The following AKIP1 variants were observed in gnomAD, a reference collection of about 807,000 sequenced individuals.
AKIP1 encodes the protein A-kinase interacting protein 1.
A neutral mutation model predicts 22.3 loss-of-function variants in AKIP1; 18 were observed. That is an observed-to-expected ratio of 0.81 (90% CI 0.56 to 1.19). The LOEUF (loss-of-function observed/expected upper bound fraction) is 1.19. Ranked by LOEUF, AKIP1 falls within the 50% of genes most tolerant of loss-of-function variation. The probability of loss-of-function intolerance (pLI) is 0.00; values close to 1 mark genes in which losing one functional copy is unlikely to be tolerated. For synonymous variants in AKIP1, 120 were observed against 102.7 expected, an observed-to-expected ratio of 1.17 and a Z score of -1.02; for missense variants, 287 against 264.6, an observed-to-expected ratio of 1.08 and a Z score of -0.59.
chr11:8,911,354 G>A, intron 1 of AKIP1, 90 bp from the exon 2 acceptor site: 1 of 1,182,438 alleles, frequency 8.5e-7, no homozygotes, highest in Non-Finnish European at 1.2e-6. Flanking sequence ...TCTCCAGGGA[G>A]GTCGAGGCTG....
intron 4 of AKIP1, among the ~76,000 whole-genome samples, chr11:8,916,026 T>G (rs1434382702): frequency 6.6e-6 from 1 of 152,068 alleles, no homozygotes; most frequent in Admixed American, 6.5e-5. Context: ...TTCGCTGTGT[T>G]AGCCAGGATG....
At chr11:8,919,253 G>T (rs2064536608) in intron 5 of AKIP1, 84 bp from the exon 6 acceptor site, 1 of 1,374,134 alleles carries the variant, frequency 7.3e-7, no homozygotes, top group East Asian at 2.3e-5. Flanking sequence ...TCACACCTCT[G>T]CAAGGACAGG....
chr11:8,918,595 T>A (rs1334289910), intron 5 of AKIP1, among the ~76,000 whole-genome samples: 1 of 152,198 alleles, frequency 6.6e-6, no homozygotes, highest in African/African-American at 2.4e-5. Flanking sequence ...TTACAGGCTC[T>A]CTTCTGGTTT....
chr11:8,915,702 G>A (rs1195492614), intron 4 of AKIP1, among the ~76,000 whole-genome samples: 4 of 149,300 alleles, frequency 2.7e-5, no homozygotes, highest in Admixed American at 6.7e-5. Context: ...GCAGTGGTGC[G>A]ATCGCGGCTC....
chr11:8,914,105 G>A lies in AKIP1; in HGVS notation c.304-721G>A, dbSNP rs551072171. ...CACATCTTTAGGTCTGTGTCCTCAA[G>A]TGCTTTCCCCAGCTTCTCGTTCTTC... On this transcript the variant is annotated intron_variant, in intron 3 of 5. Transcript: ENST00000309377. 2.0e-5 allele frequency among the ~76,000 whole-genome samples: 3 copies of A among 152,352 alleles called. No homozygotes were observed. In the South Asian group the frequency reaches 6.2e-4, roughly 32 times the overall value.
chr11:8,918,438 G>C (rs935012749), intron 5 of AKIP1, among the ~76,000 whole-genome samples: 1 of 152,160 alleles, frequency 6.6e-6, no homozygotes, highest in Non-Finnish European at 1.5e-5. Flanking sequence ...ATGTAAACAT[G>C]ATCATTTATT....
chr11:8,918,044 T>C (rs1051388658), intron 5 of AKIP1: 1 of 152,246 alleles, frequency 6.6e-6, no homozygotes, highest in Admixed American at 6.5e-5. Context: ...AATATTCTGC[T>C]TCTAGTACAA....
rs1159525099 is a variant in AKIP1, at chr11:8,916,033, G to C, written c.408+1103G>C. 2.6e-5 allele frequency among the ~76,000 whole-genome samples: 4 copies of C among 151,848 alleles called. No homozygotes were observed. The East Asian group carries it at 7.8e-4, about 29-fold the overall frequency. Reference sequence around the variant, plus strand: ...GACGGGGTTTCGCTGTGTTAGCCAGGATGGTCTCGATCTCCCGACCTCGTG... The same window carrying C: ...GACGGGGTTTCGCTGTGTTAGCCAGCATGGTCTCGATCTCCCGACCTCGTG... On this transcript the variant is annotated intron_variant, in intron 4 of 5. Transcript: ENST00000309377.
chr11:8,915,365 T>TC (rs2064466607), intron 4 of AKIP1, among the ~76,000 whole-genome samples: 32 of 134,302 alleles, frequency 2.4e-4, no homozygotes, highest in Admixed American at 2.1e-3. Context: ...TTTCTTTTTT[T>TC]TTTTTTTTTT....
intron 4 of AKIP1, among the ~76,000 whole-genome samples, chr11:8,916,982 G>A (rs1017098644): frequency 2.6e-5 from 4 of 152,168 alleles, no homozygotes; most frequent in Non-Finnish European, 5.9e-5. Context: ...CAATCCAAGA[G>A]TGCCATGTTA....
chr11:8,911,390 G>C, intron 1 of AKIP1, 54 bp from the exon 2 acceptor site: 1 of 1,477,600 alleles, frequency 6.8e-7, no homozygotes, highest in Non-Finnish European at 9.1e-7. Context: ...TTTGGAGCAG[G>C]GTCGCCGCGG....
At position 8,914,909 on chromosome 11, in the gene AKIP1, C is replaced by A. The variant is rs779567750; in HGVS notation, c.387C>A (p.Cys129Ter). The A allele has an allele frequency of 1.2e-6, 2 of 1,613,700 alleles. No homozygotes were observed. The highest frequency in any genetic ancestry group is 2.7e-5 in the African/African-American group (2 of 74,906). ...GAGGCGAGTCGAAGCTGCACATGTG[C>A]TTGGACATAGGGAATGGTCAGGTAA... ...YHRGESKLHM[C>*]LDIGNGQRKD... The change falls in exon 4 of 6, where the codon TGC becomes TGA. Residue 129 changes from cysteine to a stop codon, truncating the protein, a stop_gained. Transcript: ENST00000309377. LOFTEE classifies it high-confidence loss of function.
At position 8,919,862 on chromosome 11, in the gene AKIP1, C is replaced by A. The variant is rs971978692; in HGVS notation, c.*382C>A. Reference sequence around the variant, plus strand: ...CCATGTTGGCCAGGATGGTCTCGATCTCTTGACCTCGTGATCCACCCACCT... The same window carrying A: ...CCATGTTGGCCAGGATGGTCTCGATATCTTGACCTCGTGATCCACCCACCT... On this transcript the variant is annotated 3_prime_UTR_variant, in exon 6 of 6. Transcript: ENST00000309377. The A allele has an allele frequency of 1.1e-5, 2 of 178,114 alleles. No individual in the cohort carries two copies. The highest frequency in any genetic ancestry group is 4.8e-5 in the African/African-American group (2 of 41,984). The allele number at this position is 178,114 out of a possible 1,614,324, so 11.0% of individuals were successfully genotyped here.
chr11:8,917,077 C>G (rs1419571485), intron 4 of AKIP1, among the ~76,000 whole-genome samples: 1 of 152,144 alleles, frequency 6.6e-6, no homozygotes, highest in Non-Finnish European at 1.5e-5. Context: ...GTGGCTGATT[C>G]CAAAGCCCAT....
At chr11:8,915,682 A>C (rs1467440464) in intron 4 of AKIP1, among the ~76,000 whole-genome samples, 2 of 149,608 alleles carry the variant, frequency 1.3e-5, no homozygotes, top group Non-Finnish European at 3.0e-5. Flanking sequence ...TCTGTCACCC[A>C]AGGTGGAGTG....
chr11:8,911,341 T>C (rs1435444377), intron 1 of AKIP1, 103 bp from the exon 2 acceptor site: 3 of 1,015,662 alleles, frequency 3.0e-6, no homozygotes, highest in Admixed American at 2.5e-5. Flanking sequence ...CCAGGAGCGG[T>C]GGTCTCCAGG....
At chr11:8,916,062 C>T (rs1259278961) in intron 4 of AKIP1, among the ~76,000 whole-genome samples, 5 of 151,868 alleles carry the variant, frequency 3.3e-5, no homozygotes, top group East Asian at 1.9e-4. Context: ...CCTCGTGATC[C>T]GCCTGCCTCG....
At position 8,911,507 on chromosome 11, in the gene AKIP1, C is replaced by G; in HGVS notation, c.58C>G (p.Arg20Gly). 6.2e-7 allele frequency: 1 copy of G among 1,609,122 alleles called. No homozygotes were observed. Among genetic ancestry groups the G allele is most frequent in the Non-Finnish European group, 8.5e-7 (1 of 1,178,082 alleles). The change falls in exon 2 of 6, where the codon CGT becomes GGT. Residue 20 changes from arginine to glycine, a missense_variant. By Grantham distance (125) the Arg-to-Gly change is moderately radical (BLOSUM62 -2). Coordinates refer to ENST00000309377, the MANE Select transcript of AKIP1 (RefSeq NM_020642.4). ...LNGVDRRSLQ[R>G]SARLALEVLE... ...TGGGGTGGACCGACGTTCCCTGCAG[C>G]GTTCAGCAAGGCTGGCTCTAGAAGT...
chr11:8,911,388 A>C, intron 1 of AKIP1, 56 bp from the exon 2 acceptor site: 1 of 1,459,802 alleles, frequency 6.9e-7, no homozygotes, highest in Non-Finnish European at 9.2e-7. Flanking sequence ...GATTTGGAGC[A>C]GGGTCGCCGC....
Sources: allele counts gnomAD v4.1 joint callset (sites outside exome capture counted in the v4.1 genomes callset), GRCh38; gene constraint gnomAD v4.1.1; transcripts MANE v1.5; gene names NCBI Gene and HGNC (gene_info 2026-07-23, HGNC 2026-07-21).